NKAIN3: variants seen among roughly 807,000 people sequenced by gnomAD.
NKAIN3 encodes sodium/potassium transporting ATPase interacting 3.
Under a neutral mutation model 30.2 loss-of-function variants are expected in NKAIN3, and 25 were observed. The ratio of observed to expected loss-of-function variants is 0.83; its 90% CI spans 0.60 to 1.16. The LOEUF (loss-of-function observed/expected upper bound fraction) is 1.16. Ranked by LOEUF, NKAIN3 falls within the 50% of genes most tolerant of loss-of-function variation. NKAIN3 has a pLI of 0.00. For synonymous variants in NKAIN3, 91 were observed against 89.6 expected, an observed-to-expected ratio of 1.02 and a Z score of -0.09; for missense variants, 225 against 254.1, an observed-to-expected ratio of 0.89 and a Z score of 0.78.
chr8:62,679,940 T>C (rs2130414123), intron 3 of NKAIN3, among the ~76,000 whole-genome samples: 1 of 152,254 alleles, frequency 6.6e-6, no homozygotes, highest in Non-Finnish European at 1.5e-5. Flanking sequence ...TAAATAATAA[T>C]CCTGGATTAT....
chr8:62,946,233 A>T (rs923517386), intron 5 of NKAIN3, among the ~76,000 whole-genome samples: 2 of 152,160 alleles, frequency 1.3e-5, no homozygotes, highest in Non-Finnish European at 2.9e-5. Context: ...GGAAGGGGGT[A>T]GCACAGCCCC....
At position 62,965,741 on chromosome 8, in the gene NKAIN3, A is replaced by C. The variant is rs1284457564; in HGVS notation, c.*334A>C. On this transcript the variant is annotated 3_prime_UTR_variant, in exon 7 of 7. Coordinates refer to ENST00000623646, the MANE Select transcript of NKAIN3 (RefSeq NM_001304533.3). ...CCTTCTACAGTCAATTCTAAGAGAA[A>C]TCTCAGTGTGTGCTGTGGAGATGTT... is the stretch of plus-strand genomic sequence containing the variant. The C allele has an allele frequency of 1.0e-6, 1 of 984,946 alleles. No homozygotes were observed. Among genetic ancestry groups the C allele is most frequent in the Admixed American group, 6.2e-5 (1 of 16,254 alleles). 61.0% of individuals were successfully genotyped at this position (984,946 alleles called of 1,614,324 possible). A position where few individuals can be genotyped will look rare whatever the true frequency, so the allele number is the denominator to read the frequency against.
chr8:62,643,804 T>C (rs544152351), intron 3 of NKAIN3, among the ~76,000 whole-genome samples: 1 of 151,432 alleles, frequency 6.6e-6, no homozygotes, highest in South Asian at 2.1e-4. Context: ...TATATATAAG[T>C]AGTTGGATCT....
At position 62,357,110 on chromosome 8, in the gene NKAIN3, AAAAC is replaced by A. The variant is rs903319750; in HGVS notation, c.54+107999_54+108002del. Among the ~76,000 whole-genome samples, 13 of 152,026 alleles carry A rather than the reference AAAAC, an allele frequency of 8.6e-5. No individual in the cohort carries two copies. In the East Asian group the frequency reaches 1.5e-3, roughly 18 times the overall value. On this transcript the variant is annotated intron_variant, in intron 1 of 6. Transcript: ENST00000623646. Reference sequence around the variant, plus strand: ...GAGTGAGACCCTATCTCAAAAATAAAAAACAAACAAACAAACAAAAAAGGCATTC... The same window carrying A: ...GAGTGAGACCCTATCTCAAAAATAAAAAACAAACAAACAAAAAAGGCATTC...
At chr8:62,516,130 T>A (rs979082717) in intron 1 of NKAIN3, among the ~76,000 whole-genome samples, 1 of 152,110 alleles carries the variant, frequency 6.6e-6, no homozygotes, top group African/African-American at 2.4e-5. Context: ...ATCCCACATT[T>A]AGATGTATGG....
intron 1 of NKAIN3, among the ~76,000 whole-genome samples, chr8:62,502,605 T>C (rs1175044856): frequency 6.6e-6 from 1 of 152,130 alleles, no homozygotes; most frequent in Non-Finnish European, 1.5e-5. Flanking sequence ...ACTTGCACTT[T>C]AAATGTAGAA....
At chr8:62,603,226 T>G (rs1811033872) in intron 3 of NKAIN3, among the ~76,000 whole-genome samples, 3 of 152,142 alleles carry the variant, frequency 2.0e-5, no homozygotes, top group African/African-American at 4.8e-5. Flanking sequence ...GAGTACAGTC[T>G]TGATGATGAA....
intron 1 of NKAIN3, among the ~76,000 whole-genome samples, chr8:62,269,115 G>C (rs534983839): frequency 6.6e-6 from 1 of 152,156 alleles, no homozygotes; most frequent in Non-Finnish European, 1.5e-5. Flanking sequence ...TAATGTGCGG[G>C]AGATGTATTC....
At chr8:62,618,500 G>T (rs920462259) in intron 3 of NKAIN3, among the ~76,000 whole-genome samples, 2 of 151,752 alleles carry the variant, frequency 1.3e-5, no homozygotes, top group East Asian at 1.9e-4. Flanking sequence ...TGATTGCTTC[G>T]CTCGCTCGTG....
chr8:62,510,888 T>G (rs1807795365), intron 1 of NKAIN3, among the ~76,000 whole-genome samples: 1 of 152,090 alleles, frequency 6.6e-6, no homozygotes, highest in Non-Finnish European at 1.5e-5. Flanking sequence ...TTCCTGTGTT[T>G]ACTTCCTAAG....
At chr8:62,609,208 G>A (rs939942991) in intron 3 of NKAIN3, among the ~76,000 whole-genome samples, 1 of 152,082 alleles carries the variant, frequency 6.6e-6, no homozygotes, top group Non-Finnish European at 1.5e-5. Flanking sequence ...CAAACATAGA[G>A]TTGTTTTATT....
intron 1 of NKAIN3, among the ~76,000 whole-genome samples, chr8:62,318,381 C>G: frequency 6.6e-6 from 1 of 152,152 alleles, no homozygotes; most frequent in East Asian, 1.9e-4. Context: ...TGCCAGCTTT[C>G]AAAGGGAATG....
chr8:62,763,090 G>A (rs553426041), intron 4 of NKAIN3, among the ~76,000 whole-genome samples: 20 of 151,260 alleles, frequency 1.3e-4, no homozygotes, highest in South Asian at 1.0e-3. Context: ...GCATGGTGGC[G>A]GGCGCCTGTA....
At chr8:62,606,556 C>G (rs1038657596) in intron 3 of NKAIN3, among the ~76,000 whole-genome samples, 1 of 152,084 alleles carries the variant, frequency 6.6e-6, no homozygotes, top group Non-Finnish European at 1.5e-5. Flanking sequence ...AGAACAAGCA[C>G]TATATCCCCA....
At position 62,249,106 on chromosome 8, in the gene NKAIN3, C is replaced by A. The variant is rs1419709697; in HGVS notation, c.33C>A (p.Ile11=). 2 of 1,539,090 alleles carry A rather than the reference C, an allele frequency of 1.3e-6. No homozygotes were observed. The highest frequency in any genetic ancestry group is 4.0e-5 in the Admixed American group (2 of 50,592). Residue 11 remains isoleucine (I), a synonymous_variant, in exon 1 of 7, where the codon ATC becomes ATA. Transcript: ENST00000623646. ...GCTGCACCGGACGCTGCTCGCTCAT[C>A]TGCCTCTGCGCGCTGCAGTTGGTGA... MGCCTGRCSL[I]CLCALQLVSA...
chr8:62,930,584 G>T (rs541338953), intron 5 of NKAIN3, among the ~76,000 whole-genome samples: 4 of 151,948 alleles, frequency 2.6e-5, no homozygotes, highest in Non-Finnish European at 5.9e-5. Flanking sequence ...CTGTGCATTT[G>T]TCTATTCTAA....
At chr8:62,825,752 G>T (rs1819001661) in intron 4 of NKAIN3, among the ~76,000 whole-genome samples, 1 of 152,138 alleles carries the variant, frequency 6.6e-6, no homozygotes, top group African/African-American at 2.4e-5. Flanking sequence ...CTTCAGTGCA[G>T]CCAGGCTTAG....
Position 62,617,180 on chromosome 8 carries a change from A to G in NKAIN3, c.273+27386A>G, listed in dbSNP as rs148846508. Among the ~76,000 whole-genome samples the G allele has an allele frequency of 2.2e-3, 338 of 152,308 alleles. 3 individuals are homozygous for G. The highest frequency in any genetic ancestry group is 7.7e-3 in the African/African-American group (320 of 41,574). On this transcript the variant is annotated intron_variant, in intron 3 of 6. Coordinates refer to ENST00000623646, the MANE Select transcript of NKAIN3 (RefSeq NM_001304533.3). ...CTACAGCCTGCAGAACTGTGAGCCA[A>G]TTAAACCTATTATCTTTGTAAATTA...
intron 3 of NKAIN3, among the ~76,000 whole-genome samples, chr8:62,590,899 A>G (rs1365379125): frequency 6.6e-6 from 1 of 151,944 alleles, no homozygotes; most frequent in East Asian, 1.9e-4. Context: ...AACGTTTCCA[A>G]TATTGAGTTC....
Sources: allele counts gnomAD v4.1 joint callset (sites outside exome capture counted in the v4.1 genomes callset), GRCh38; gene constraint gnomAD v4.1.1; transcripts MANE v1.5; gene names NCBI Gene and HGNC (gene_info 2026-07-23, HGNC 2026-07-21).